DNM3: variants seen among roughly 807,000 people sequenced by gnomAD.
DNM3 encodes the protein dynamin-3.
A neutral mutation model predicts 101.6 loss-of-function variants in DNM3; 47 were observed. That is an observed-to-expected ratio of 0.46 (90% CI 0.37 to 0.59). DNM3 has a LOEUF of 0.59. Ranked by LOEUF, DNM3 falls within the 20% of genes least tolerant of loss-of-function variation. The probability of loss-of-function intolerance (pLI) is 0.00; values close to 1 mark genes in which losing one functional copy is unlikely to be tolerated. For synonymous variants in DNM3, 385 were observed against 387.9 expected (o/e 0.99, Z 0.09); for missense variants, 849 against 1,085.7 (o/e 0.78, Z 3.06).
At chr1:172,296,916 A>G (rs12096225) in intron 15 of DNM3, among the ~76,000 whole-genome samples, 15,247 of 152,092 alleles carry the variant, frequency 0.1, 1,057 homozygotes, top group African/African-American at 0.2. Flanking sequence ...GCCAAGGCGG[A>G]CTGATCACCT....
intron 14 of DNM3, among the ~76,000 whole-genome samples, chr1:172,173,983 G>A (rs1323827906): frequency 6.6e-6 from 1 of 151,580 alleles, no homozygotes; most frequent in African/African-American, 2.4e-5. Flanking sequence ...ACTCTGGAAT[G>A]CCAAACTTGA....
chr1:172,158,438 A>G (rs112548180), intron 14 of DNM3, among the ~76,000 whole-genome samples: 82 of 152,160 alleles, frequency 5.4e-4, no homozygotes, highest in African/African-American at 1.9e-3. Context: ...AGTGGGAAGA[A>G]CATGAGCAAA....
intron 11 of DNM3, 91 bp from the exon 12 acceptor site, chr1:172,081,741 T>C (rs2053165249): frequency 9.8e-7 from 1 of 1,023,618 alleles, no homozygotes; most frequent in Non-Finnish European, 1.5e-6. Context: ...AAAAATTATA[T>C]GAAGGTAATT....
At chr1:172,361,919 A>G (rs1894633) in intron 17 of DNM3, among the ~76,000 whole-genome samples, 57,012 of 151,788 alleles carry the variant, frequency 0.38, 11,748 homozygotes, top group African/African-American at 0.54. Flanking sequence ...CCCAACACTT[A>G]TAAGACCCTG....
chr1:172,348,157 C>T (rs531115272), intron 17 of DNM3, among the ~76,000 whole-genome samples: 11 of 151,958 alleles, frequency 7.2e-5, no homozygotes, highest in Admixed American at 3.9e-4. Context: ...CAGATGCAGA[C>T]GAAAGTGTGC....
chr1:172,210,314 C>CTTTTTTTTT (rs11330467), intron 14 of DNM3, among the ~76,000 whole-genome samples: 52 of 84,854 alleles, frequency 6.1e-4, no homozygotes, highest in East Asian at 1.5e-3. Flanking sequence ...AGAGAGCGTG[C>CTTTTTTTTT]TTTTTTTTTT....
chr1:172,280,883 A>T (rs981068395), intron 15 of DNM3, among the ~76,000 whole-genome samples: 1 of 152,188 alleles, frequency 6.6e-6, no homozygotes, highest in Non-Finnish European at 1.5e-5. Context: ...TCAATAATTA[A>T]GTTATCCTGA....
intron 14 of DNM3, among the ~76,000 whole-genome samples, chr1:172,149,472 G>T (rs895662285): frequency 2.0e-5 from 3 of 152,088 alleles, no homozygotes; most frequent in Non-Finnish European, 2.9e-5. Flanking sequence ...CAAGTTAAAG[G>T]GATTAGAAAA....
At chr1:171,957,477 C>T (rs1383854195) in intron 2 of DNM3, among the ~76,000 whole-genome samples, 4 of 152,112 alleles carry the variant, frequency 2.6e-5, no homozygotes, top group African/African-American at 4.8e-5. Flanking sequence ...GGATTACAGG[C>T]GTGAGCCACT....
chr1:172,217,256 T>C (rs2060734737), intron 14 of DNM3, among the ~76,000 whole-genome samples: 1 of 151,248 alleles, frequency 6.6e-6, no homozygotes. Flanking sequence ...CTTGGGCACT[T>C]CCACTAACTC....
At chr1:172,048,869 A>G (rs1038254370) in intron 10 of DNM3, 119 bp downstream of exon 10, 31 of 1,269,470 alleles carry the variant, frequency 2.4e-5, no homozygotes, top group African/African-American at 4.5e-5. Flanking sequence ...GTGTTTGCCT[A>G]CAGGGAATGG....
At chr1:172,018,336 C>A (rs965937333) in intron 4 of DNM3, among the ~76,000 whole-genome samples, 3 of 152,080 alleles carry the variant, frequency 2.0e-5, no homozygotes, top group Non-Finnish European at 4.4e-5. Context: ...TTATGTGATT[C>A]CATTTTATCT....
At chr1:172,027,878 C>T (rs2048327741) in intron 4 of DNM3, among the ~76,000 whole-genome samples, 1 of 152,060 alleles carries the variant, frequency 6.6e-6, no homozygotes, top group Non-Finnish European at 1.5e-5. Flanking sequence ...GCTAACTATC[C>T]TAAATATATA....
At chr1:172,293,147 T>C (rs1415406826) in intron 15 of DNM3, among the ~76,000 whole-genome samples, 1 of 152,254 alleles carries the variant, frequency 6.6e-6, no homozygotes, top group Non-Finnish European at 1.5e-5. Flanking sequence ...GATTCAATAA[T>C]TGTGCAAAGG....
At chr1:172,195,516 G>A (rs2059915365) in intron 14 of DNM3, among the ~76,000 whole-genome samples, 1 of 151,838 alleles carries the variant, frequency 6.6e-6, no homozygotes, top group Non-Finnish European at 1.5e-5. Flanking sequence ...TCATGGTACA[G>A]CATCTAGTGT....
At chr1:172,191,364 C>T (rs1402565781) in intron 14 of DNM3, among the ~76,000 whole-genome samples, 1 of 152,116 alleles carries the variant, frequency 6.6e-6, no homozygotes, top group Non-Finnish European at 1.5e-5. Context: ...TATTCTGTTC[C>T]ATTGGTCTAT....
intron 1 of DNM3, among the ~76,000 whole-genome samples, chr1:171,865,281 T>A (rs1300071979): frequency 6.6e-6 from 1 of 151,564 alleles, no homozygotes; most frequent in Non-Finnish European, 1.5e-5. Flanking sequence ...TCTGGGAGGC[T>A]GAGGCAGGCA....
At chr1:172,161,200 T>C (rs1286076539) in intron 14 of DNM3, among the ~76,000 whole-genome samples, 1 of 148,976 alleles carries the variant, frequency 6.7e-6, no homozygotes. Context: ...TATATATATG[T>C]ATATATTTTA....
rs143963147 is a variant in DNM3, at chr1:172,068,183, C to T, written c.1336-636C>T. Among the ~76,000 whole-genome samples, 1,052 of 152,194 alleles carry T rather than the reference C, an allele frequency of 6.9e-3. 19 individuals carry two copies. Among genetic ancestry groups the T allele is most frequent in the African/African-American group, 0.024 (991 of 41,524 alleles). On this transcript the variant is annotated intron_variant, in intron 10 of 20. Coordinates refer to ENST00000627582, the MANE Select transcript of DNM3 (RefSeq NM_015569.5). Reference sequence around the variant, plus strand: ...TCTTTACTAAAAATACAAAAATTAGCTGAGCTTGGTGGCACGTGCCTGTAA... The same window carrying T: ...TCTTTACTAAAAATACAAAAATTAGTTGAGCTTGGTGGCACGTGCCTGTAA...
Sources: gnomAD v4.1 joint callset for allele counts (sites outside exome capture counted in the v4.1 genomes callset) on GRCh38, gnomAD v4.1.1 for gene constraint, MANE v1.5 for transcripts, NCBI Gene and HGNC (gene_info 2026-07-23, HGNC 2026-07-21) for gene names.